Variants in NFATC2 observed in about 807,000 individuals in gnomAD.
The protein encoded by NFATC2 is nuclear factor of activated T cells 2, also known as nuclear factor of activated T-cells, cytoplasmic 2.
Under a neutral mutation model 87.3 loss-of-function variants are expected in NFATC2, and 22 were observed. The observed-to-expected ratio is 0.25, with a 90% CI of 0.18 to 0.36. The LOEUF is 0.36. Ranked by LOEUF, NFATC2 falls within the 10% of genes least tolerant of loss-of-function variation. NFATC2 has a pLI of 1.00. For missense variants in NFATC2, 1,149 were observed against 1,259.1 expected, an observed-to-expected ratio of 0.91 and a Z score of 1.32; for synonymous variants, 565 against 542.2, an observed-to-expected ratio of 1.04 and a Z score of -0.58.
intron 1 of NFATC2, among the ~76,000 whole-genome samples, chr20:51,525,929 A>ACCCCCC (rs2076538297): frequency 8.5e-5 from 3 of 35,268 alleles, no homozygotes; most frequent in Non-Finnish European, 1.2e-4. Context: ...ACCCACCCCC[A>ACCCCCC]CCACTCCCCA....
At chr20:51,512,778 GTAAC>G (rs1260111141) in intron 3 of NFATC2, among the ~76,000 whole-genome samples, 2 of 152,198 alleles carry the variant, frequency 1.3e-5, no homozygotes, top group African/African-American at 4.8e-5. Context: ...TGGAGACTGA[GTAAC>G]TGAGAGGGGA....
chr20:51,462,129 T>C (rs892687876), intron 5 of NFATC2, among the ~76,000 whole-genome samples: 19 of 149,612 alleles, frequency 1.3e-4, no homozygotes, highest in Non-Finnish European at 2.2e-4. Flanking sequence ...ACAATAAAAA[T>C]AAATTTAAAT....
In NFATC2 at chr20:51,480,964, G is replaced by T. The variant is rs1989204430; in HGVS notation, c.1333-5304C>A. On this transcript the variant is annotated intron_variant, in intron 3 of 10. Coordinates refer to ENST00000371564, the MANE Select transcript of NFATC2 (RefSeq NM_012340.5). The surrounding 1 kb of genome is among the most constrained non-coding windows in gnomAD (Gnocchi z 4.2). ...ATATGGGAAAGCCCAGGCACTAATT[G>T]CAGTCTTCTCAGTGGGCTGGCTCAA... 6.6e-6 allele frequency among the ~76,000 whole-genome samples: 1 copy of T among 152,222 alleles called. No homozygotes were observed. Among genetic ancestry groups the T allele is most frequent in the African/African-American group, 2.4e-5 (1 of 41,468 alleles).
Position 51,391,160 on chromosome 20 carries a change from T to G in NFATC2, c.*336A>C, listed in dbSNP as rs757157763. On this transcript the variant is annotated 3_prime_UTR_variant, in exon 11 of 11. Transcript: ENST00000371564. ...TGCTTACTATTTGGACGGAACACCATTAAGATCAACCAGGATGCTCTCTGG... is the reference window on the plus strand; with the variant it reads ...TGCTTACTATTTGGACGGAACACCAGTAAGATCAACCAGGATGCTCTCTGG... 8 of 670,408 alleles carry G rather than the reference T, an allele frequency of 1.2e-5. No individual in the cohort carries two copies. The highest frequency in any genetic ancestry group is 2.2e-5 in the Non-Finnish European group (8 of 364,396). The allele number at this position is 670,408 out of a possible 1,614,324, so 41.5% of individuals were successfully genotyped here. A position where few individuals can be genotyped will look rare whatever the true frequency, so the allele number is the denominator to read the frequency against.
intron 2 of NFATC2, among the ~76,000 whole-genome samples, chr20:51,522,330 G>A (rs1480274794): frequency 1.3e-5 from 2 of 152,200 alleles, no homozygotes; most frequent in South Asian, 4.1e-4. Context: ...AGTGATGTCT[G>A]CGCTAGGCAC....
intron 3 of NFATC2, among the ~76,000 whole-genome samples, chr20:51,507,677 T>C (rs2076206816): frequency 6.6e-6 from 1 of 152,226 alleles, no homozygotes. Context: ...ACCCTAGAGC[T>C]GCCTCACTTC....
chr20:51,419,573 G>A (rs1481056266), intron 9 of NFATC2, among the ~76,000 whole-genome samples: 1 of 152,148 alleles, frequency 6.6e-6, no homozygotes, highest in African/African-American at 2.4e-5. Flanking sequence ...TCCCTGTGCT[G>A]TTACAAGAGG....
At chr20:51,470,037 C>A (rs73271823) in intron 5 of NFATC2, among the ~76,000 whole-genome samples, 1 of 152,110 alleles carries the variant, frequency 6.6e-6, no homozygotes, top group African/African-American at 2.4e-5. Context: ...TGGGCTCAGG[C>A]GGGAATGAGG....
At chr20:51,451,494 G>A (rs1376408357) in intron 6 of NFATC2, among the ~76,000 whole-genome samples, 2 of 152,212 alleles carry the variant, frequency 1.3e-5, no homozygotes, top group African/African-American at 2.4e-5. Flanking sequence ...GCAGTGCCCA[G>A]GACAGCGCCC....
chr20:51,414,694 GA>G (rs113845113), intron 9 of NFATC2, among the ~76,000 whole-genome samples: 11,345 of 143,408 alleles, frequency 0.079, 1,000 homozygotes, highest in African/African-American at 0.22. Context: ...GTTAAAAAAA[GA>G]AAAAAAAAAA....
rs1982889064 is a variant in NFATC2, at chr20:51,432,466, G to A, written c.2323C>T (p.Leu775=). 2 of 1,559,172 alleles carry A rather than the reference G, an allele frequency of 1.3e-6. No individual in the cohort carries two copies. Among genetic ancestry groups the A allele is most frequent in the African/African-American group, 2.7e-5 (2 of 73,568 alleles). Residue 775 remains leucine, a synonymous_variant, in exon 9 of 11, where the codon CTG becomes TTG. Coordinates refer to ENST00000371564, the MANE Select transcript of NFATC2 (RefSeq NM_012340.5). The surrounding 1 kb of genome is among the most constrained non-coding windows in gnomAD (Gnocchi z 4.6). ...GAGCGGTGAGCGTCCGCAAGGGACA[G>A]CGGGGCGGCCATGAGGGCCGGCTGC... ...YQQPALMAAP[L]SLADAHRSVL... is the part of the protein sequence containing the mutation.
At chr20:51,442,712 T>G (rs922116412) in intron 6 of NFATC2, among the ~76,000 whole-genome samples, 16 of 151,760 alleles carry the variant, frequency 1.1e-4, no homozygotes, top group East Asian at 1.9e-4. Context: ...AGTTTGTTTT[T>G]TTTTTTTTTC....
In NFATC2 at chr20:51,480,980, G is replaced by A. The variant is rs1292706426; in HGVS notation, c.1333-5320C>T. 2.0e-5 allele frequency among the ~76,000 whole-genome samples: 3 copies of A among 152,178 alleles called. No individual in the cohort carries two copies. Among genetic ancestry groups the A allele is most frequent in the African/African-American group, 7.2e-5 (3 of 41,450 alleles). Reference sequence around the variant, plus strand: ...GCACTAATTGCAGTCTTCTCAGTGGGCTGGCTCAACAGTTGCCGGCTTGGA... The same window carrying A: ...GCACTAATTGCAGTCTTCTCAGTGGACTGGCTCAACAGTTGCCGGCTTGGA... On this transcript the variant is annotated intron_variant, in intron 3 of 10. Transcript: ENST00000371564. This position sits in a 1 kb window ranked among gnomAD's most constrained non-coding sequence, Gnocchi z 4.2.
At chr20:51,549,378 T>A (rs1031536245) in intron 1 of NFATC2, among the ~76,000 whole-genome samples, 1 of 152,218 alleles carries the variant, frequency 6.6e-6, no homozygotes, top group African/African-American at 2.4e-5. Context: ...GTGCAAGCGA[T>A]TCTCCTGCCT....
At chr20:51,461,623 G>T (rs890667803) in intron 5 of NFATC2, among the ~76,000 whole-genome samples, 1 of 152,212 alleles carries the variant, frequency 6.6e-6, no homozygotes, top group Non-Finnish European at 1.5e-5. Flanking sequence ...AGCAGCCACC[G>T]CAAAGGTTCA....
intron 9 of NFATC2, among the ~76,000 whole-genome samples, chr20:51,431,011 T>A (rs1250411885): frequency 2.6e-5 from 4 of 152,162 alleles, no homozygotes; most frequent in African/African-American, 9.7e-5. Flanking sequence ...ACTGTACATT[T>A]TTAAATAATG....
intron 3 of NFATC2, among the ~76,000 whole-genome samples, chr20:51,506,217 G>A (rs986288664): frequency 1.2e-4 from 18 of 152,222 alleles, no homozygotes; most frequent in African/African-American, 3.9e-4. Context: ...CATCACTGGC[G>A]ATGAGGTGCT....
chr20:51,517,786 G>A (rs1169431893), intron 2 of NFATC2, among the ~76,000 whole-genome samples: 1 of 151,884 alleles, frequency 6.6e-6, no homozygotes, highest in African/African-American at 2.4e-5. Context: ...GCTTGGTGGT[G>A]CATGCCTGTA....
chr20:51,510,871 T>C (rs2076262248), intron 3 of NFATC2, among the ~76,000 whole-genome samples: 1 of 152,200 alleles, frequency 6.6e-6, no homozygotes, highest in African/African-American at 2.4e-5. Context: ...TTAGAAATCA[T>C]ATAAATATAA....
Sources: gnomAD v4.1 joint callset for allele counts (sites outside exome capture counted in the v4.1 genomes callset) on GRCh38, gnomAD v4.1.1 for gene constraint, Gnocchi (gnomAD v3.1) non-coding constraint, MANE v1.5 for transcripts, NCBI Gene and HGNC (gene_info 2026-07-23, HGNC 2026-07-21) for gene names.